The following RSRC1 variants were observed in gnomAD, a reference collection of about 807,000 sequenced individuals.
The protein encoded by RSRC1 is arginine and serine rich coiled-coil 1.
A neutral mutation model predicts 49.1 loss-of-function variants in RSRC1; 39 were observed. The observed-to-expected ratio is 0.79, with a 90% CI of 0.61 to 1.04. The LOEUF is 1.04. Among genes scored for constraint, RSRC1 ranks in the 50% least tolerant of loss-of-function variants. The probability of loss-of-function intolerance (pLI) is 0.00; values close to 1 mark genes in which losing one functional copy is unlikely to be tolerated. For synonymous variants in RSRC1, 143 were observed against 130.8 expected, an observed-to-expected ratio of 1.09 and a Z score of -0.63; for missense variants, 388 against 402.4, an observed-to-expected ratio of 0.96 and a Z score of 0.31.
chr3:158,365,075 A>G (rs987552335), intron 6 of RSRC1, among the ~76,000 whole-genome samples: 7 of 152,118 alleles, frequency 4.6e-5, no homozygotes. Context: ...GTTGAGCCAC[A>G]TGTCCTCCTC....
At chr3:158,204,460 A>G (rs1273855547) in intron 4 of RSRC1, among the ~76,000 whole-genome samples, 1 of 152,092 alleles carries the variant, frequency 6.6e-6, no homozygotes, top group Non-Finnish European at 1.5e-5. Flanking sequence ...AGTTTTAAGG[A>G]TTGTGAAATG....
At chr3:158,202,258 G>T (rs1002225033) in intron 3 of RSRC1, among the ~76,000 whole-genome samples, 2 of 151,988 alleles carry the variant, frequency 1.3e-5, no homozygotes, top group Non-Finnish European at 2.9e-5. Flanking sequence ...CAAGTGATCT[G>T]CCCGCCTTGG....
At chr3:158,150,476 T>C (rs540762377) in intron 3 of RSRC1, among the ~76,000 whole-genome samples, 10 of 152,316 alleles carry the variant, frequency 6.6e-5, no homozygotes, top group Non-Finnish European at 1.0e-4. Flanking sequence ...GTTCTAAATA[T>C]AGTAATATTA....
intron 2 of RSRC1, among the ~76,000 whole-genome samples, chr3:158,123,354 C>T (rs935635417): frequency 5.9e-5 from 9 of 152,072 alleles, no homozygotes; most frequent in Admixed American, 3.3e-4. Context: ...GTCACTCAGG[C>T]GGGAGTGCAG....
intron 6 of RSRC1, among the ~76,000 whole-genome samples, chr3:158,423,153 T>C (rs966536033): frequency 5.9e-5 from 9 of 152,054 alleles, no homozygotes; most frequent in African/African-American, 2.2e-4. Context: ...TCCTTGCCCA[T>C]GCCTATGTCC....
At chr3:158,358,790 C>T (rs1731303897) in intron 6 of RSRC1, among the ~76,000 whole-genome samples, 1 of 152,048 alleles carries the variant, frequency 6.6e-6, no homozygotes, top group Non-Finnish European at 1.5e-5. Context: ...TGACAACCAC[C>T]ATTCTCCCTC....
In RSRC1 at chr3:158,181,332, T is replaced by C. The variant is rs1719611062; in HGVS notation, c.321-21740T>C. Among the ~76,000 whole-genome samples, 3 of 152,320 alleles carry C rather than the reference T, an allele frequency of 2.0e-5. No homozygotes were observed. In the South Asian group the frequency reaches 6.2e-4, roughly 32 times the overall value. ...CTTTTTGGATGTTCATAATATAGAC[T>C]TGGCTTAGATGTGGAGTTCTGGACA... On this transcript the variant is annotated intron_variant, in intron 3 of 9. Coordinates refer to ENST00000611884, the MANE Select transcript of RSRC1 (RefSeq NM_001271838.2).
intron 6 of RSRC1, among the ~76,000 whole-genome samples, chr3:158,414,150 C>T (rs1734616809): frequency 6.6e-6 from 1 of 152,210 alleles, no homozygotes; most frequent in African/African-American, 2.4e-5. Context: ...GGAATCAACC[C>T]AAATGCCCAT....
chr3:158,209,575 C>G (rs1721546205), intron 4 of RSRC1, among the ~76,000 whole-genome samples: 1 of 152,014 alleles, frequency 6.6e-6, no homozygotes, highest in South Asian at 2.1e-4. Context: ...CTAAGTGTGC[C>G]TTTCTTCATG....
chr3:158,132,936 T>C (rs1010794633), intron 3 of RSRC1, among the ~76,000 whole-genome samples: 2 of 152,202 alleles, frequency 1.3e-5, no homozygotes, highest in African/African-American at 4.8e-5. Context: ...AATGTAGTTT[T>C]GTTCTTGGAA....
chr3:158,324,507 T>G (rs925817445), intron 5 of RSRC1, among the ~76,000 whole-genome samples: 2 of 152,148 alleles, frequency 1.3e-5, no homozygotes, highest in Non-Finnish European at 2.9e-5. Context: ...CTTGAGATAG[T>G]TTGCTGAGAA....
At chr3:158,123,753 G>A in intron 2 of RSRC1, 113 bp from the exon 3 acceptor site, 2 of 997,902 alleles carry the variant, frequency 2.0e-6, no homozygotes, top group Non-Finnish European at 2.9e-6. Flanking sequence ...TTTGCTTCCA[G>A]GAAACAGTGA....
intron 7 of RSRC1, among the ~76,000 whole-genome samples, chr3:158,474,062 G>A (rs1738264246): frequency 6.6e-6 from 1 of 152,132 alleles, no homozygotes; most frequent in African/African-American, 2.4e-5. Context: ...AGCTAGGTCA[G>A]AAGTACCTTC....
chr3:158,182,584 C>A (rs1719688204), intron 3 of RSRC1, among the ~76,000 whole-genome samples: 1 of 152,148 alleles, frequency 6.6e-6, no homozygotes, highest in Non-Finnish European at 1.5e-5. Context: ...TTTCCTTAAA[C>A]TCTCAGAGTT....
intron 1 of RSRC1, 39 bp from the exon 2 acceptor site, chr3:158,122,064 C>A: frequency 8.1e-7 from 1 of 1,231,924 alleles, no homozygotes; most frequent in Non-Finnish European, 1.1e-6. Context: ...CATTGTGCCA[C>A]CATGTTAGAA....
intron 3 of RSRC1, among the ~76,000 whole-genome samples, chr3:158,153,633 T>G (rs1474618068): frequency 6.6e-6 from 1 of 152,232 alleles, no homozygotes; most frequent in Non-Finnish European, 1.5e-5. Context: ...CCCGTTGGTC[T>G]TTGATCTTGT....
At chr3:158,461,751 A>G (rs1560053077) in intron 7 of RSRC1, among the ~76,000 whole-genome samples, 2 of 151,902 alleles carry the variant, frequency 1.3e-5, no homozygotes, top group East Asian at 3.9e-4. Flanking sequence ...CAGGGTAGCT[A>G]TTTCCTCTTG....
chr3:158,306,940 A>C (rs921803394), intron 5 of RSRC1, among the ~76,000 whole-genome samples: 4 of 152,006 alleles, frequency 2.6e-5, no homozygotes, highest in African/African-American at 7.2e-5. Context: ...TTGGGAATTG[A>C]AAGACAAGTA....
At chr3:158,163,605 G>A (rs955896252) in intron 3 of RSRC1, among the ~76,000 whole-genome samples, 1 of 152,050 alleles carries the variant, frequency 6.6e-6, no homozygotes, top group Non-Finnish European at 1.5e-5. Flanking sequence ...TCCAAAGATG[G>A]ATGGGTGAAG....
Sources: gnomAD v4.1 joint callset for allele counts (sites outside exome capture counted in the v4.1 genomes callset) on GRCh38, gnomAD v4.1.1 for gene constraint, MANE v1.5 for transcripts, NCBI Gene and HGNC (gene_info 2026-07-23, HGNC 2026-07-21) for gene names.